PCDH15: variants seen among roughly 807,000 people sequenced by gnomAD.
PCDH15 encodes the protein protocadherin related 15.
In PCDH15, 129 loss-of-function variants were observed where a neutral mutation model predicts 178.5. The ratio of observed to expected loss-of-function variants is 0.72; its 90% CI spans 0.63 to 0.84. PCDH15 has a LOEUF of 0.84. Among genes scored for constraint, PCDH15 ranks in the 40% least tolerant of loss-of-function variants. The pLI is 0.00. For missense variants in PCDH15, 2,230 were observed against 2,099.9 expected, an observed-to-expected ratio of 1.06 and a Z score of -1.21; for synonymous variants, 800 against 732.0, an observed-to-expected ratio of 1.09 and a Z score of -1.50.
At chr10:54,036,550 T>C (rs919331925) in intron 18 of PCDH15, among the ~76,000 whole-genome samples, 2 of 151,940 alleles carry the variant, frequency 1.3e-5, no homozygotes, top group South Asian at 4.1e-4. Context: ...TAGCAAGTAT[T>C]TTAAGCCCAT....
chr10:54,139,088 A>G (rs921212733), intron 14 of PCDH15, among the ~76,000 whole-genome samples: 2 of 152,156 alleles, frequency 1.3e-5, no homozygotes, highest in African/African-American at 4.8e-5. Context: ...AGTTTTATAT[A>G]TGTCTCTGCT....
intron 5 of PCDH15, among the ~76,000 whole-genome samples, chr10:54,352,766 T>C (rs899467924): frequency 2.0e-5 from 3 of 152,278 alleles, no homozygotes; most frequent in Non-Finnish European, 4.4e-5. Flanking sequence ...TTCATGTCAA[T>C]TAATCTCCTA....
intron 26 of PCDH15, among the ~76,000 whole-genome samples, chr10:53,887,442 A>G (rs1214828054): frequency 6.6e-6 from 1 of 152,204 alleles, no homozygotes; most frequent in Non-Finnish European, 1.5e-5. Context: ...AAGTTGAATA[A>G]TCTTTTTCCT....
At chr10:53,889,810 AATT>A (rs1322556723) in intron 26 of PCDH15, among the ~76,000 whole-genome samples, 6 of 152,208 alleles carry the variant, frequency 3.9e-5, no homozygotes, top group Admixed American at 1.3e-4. Context: ...AAAATGAATC[AATT>A]ATTACTACAT....
rs114014764 is a variant in PCDH15 at position 54,628,634 on chromosome 10, T to C, written c.91+35538A>G. Among the ~76,000 whole-genome samples the C allele has an allele frequency of 2.9e-3, 443 of 152,292 alleles. 1 individual carries two copies. The highest frequency in any genetic ancestry group is 0.01 in the African/African-American group (425 of 41,560). ...AATTATTATACGTGATTAATTACTT[T>C]AGGTCTTTCATCAGTTTATGGTAGA... is the stretch of plus-strand genomic sequence containing the variant. On this transcript the variant is annotated intron_variant, in intron 2 of 37. Transcript: ENST00000644397.
intron 1 of PCDH15, among the ~76,000 whole-genome samples, chr10:55,318,071 C>A (rs11004806): frequency 6.6e-6 from 1 of 151,552 alleles, no homozygotes; most frequent in Non-Finnish European, 1.5e-5. Context: ...GAGCGTAAAA[C>A]AACAATCAGA....
At chr10:55,562,913 T>A (rs1312585048) in intron 2 of PCDH15, among the ~76,000 whole-genome samples, 1 of 151,980 alleles carries the variant, frequency 6.6e-6, no homozygotes, top group Non-Finnish European at 1.5e-5. Flanking sequence ...CTGATACAAC[T>A]CTTTTGGAAT....
intron 2 of PCDH15, among the ~76,000 whole-genome samples, chr10:55,003,960 G>A (rs1839861174): frequency 6.6e-6 from 1 of 152,196 alleles, no homozygotes; most frequent in South Asian, 2.1e-4. Context: ...TCCTGGCTGG[G>A]CTCGGGAGGC....
intron 1 of PCDH15, among the ~76,000 whole-genome samples, chr10:55,282,050 C>T (rs1441749399): frequency 1.3e-5 from 2 of 152,100 alleles, no homozygotes; most frequent in African/African-American, 2.4e-5. Flanking sequence ...TTCCCCAGCG[C>T]CAAGAAAGAG....
intron 20 of PCDH15, among the ~76,000 whole-genome samples, chr10:54,005,114 C>T (rs899834571): frequency 6.6e-6 from 1 of 151,896 alleles, no homozygotes; most frequent in Non-Finnish European, 1.5e-5. Context: ...TATCCATATG[C>T]AAAAGAAGAA....
intron 1 of PCDH15, among the ~76,000 whole-genome samples, chr10:55,317,526 A>G (rs2132295541): frequency 6.6e-6 from 1 of 152,050 alleles, no homozygotes; most frequent in Admixed American, 6.6e-5. Flanking sequence ...ATAGGGTTAT[A>G]GTCTATAATG....
intron 14 of PCDH15, among the ~76,000 whole-genome samples, chr10:54,138,756 G>A (rs374717954): frequency 1.3e-5 from 2 of 152,226 alleles, no homozygotes; most frequent in Admixed American, 6.5e-5. Flanking sequence ...AGCCTTCAAT[G>A]GATTACCTAC....
Position 54,509,050 on chromosome 10 carries a change from T to A in PCDH15, c.157+18762A>T, listed in dbSNP as rs540962097. On this transcript the variant is annotated intron_variant, in intron 3 of 37. Transcript: ENST00000644397. ...GTTGAATTTTCTTCCTGTGACATCATGTTGGTGCTCAAAAATTTTCAGATT... is the reference window on the plus strand; with the variant it reads ...GTTGAATTTTCTTCCTGTGACATCAAGTTGGTGCTCAAAAATTTTCAGATT... Among the ~76,000 whole-genome samples, 4 of 152,254 alleles carry A rather than the reference T, an allele frequency of 2.6e-5. No individual in the cohort carries two copies. The South Asian group carries it at 8.3e-4, about 32-fold the overall frequency.
At chr10:55,245,764 C>T (rs1216406331) in intron 1 of PCDH15, among the ~76,000 whole-genome samples, 1 of 152,122 alleles carries the variant, frequency 6.6e-6, no homozygotes, top group Admixed American at 6.6e-5. Context: ...TAATGCCTGG[C>T]CCCATTGTAA....
chr10:55,277,689 T>C (rs553315741), intron 1 of PCDH15, among the ~76,000 whole-genome samples: 1 of 151,966 alleles, frequency 6.6e-6, no homozygotes, highest in African/African-American at 2.4e-5. Flanking sequence ...GTCTCAGAGC[T>C]TGTCAGCTCT....
chr10:54,679,341 C>G (rs957364107), intron 1 of PCDH15, among the ~76,000 whole-genome samples: 10 of 151,858 alleles, frequency 6.6e-5, no homozygotes, highest in Non-Finnish European at 1.2e-4. Flanking sequence ...TGATACTTAT[C>G]GAAAGAGTTT....
chr10:54,596,113 T>C (rs1280695590), intron 2 of PCDH15, among the ~76,000 whole-genome samples: 2 of 151,992 alleles, frequency 1.3e-5, no homozygotes, highest in Non-Finnish European at 2.9e-5. Flanking sequence ...TGAAGAGAAC[T>C]CCCACAAAGT....
intron 1 of PCDH15, among the ~76,000 whole-genome samples, chr10:55,226,239 C>T (rs1325712382): frequency 1.3e-5 from 2 of 151,948 alleles, no homozygotes; most frequent in Non-Finnish European, 2.9e-5. Flanking sequence ...GATCAAATAA[C>T]CAAGAATAGT....
At chr10:54,437,161 A>G (rs984362955) in intron 3 of PCDH15, among the ~76,000 whole-genome samples, 1 of 152,214 alleles carries the variant, frequency 6.6e-6, no homozygotes, top group Non-Finnish European at 1.5e-5. Context: ...ACAAAAACAA[A>G]TAATCTTCAT....
Sources: allele counts gnomAD v4.1 joint callset (sites outside exome capture counted in the v4.1 genomes callset), GRCh38; gene constraint gnomAD v4.1.1; transcripts MANE v1.5; gene names NCBI Gene and HGNC (gene_info 2026-07-23, HGNC 2026-07-21).